Variants in MLF1 observed in about 807,000 individuals in gnomAD.
MLF1 encodes the protein myelodysplasia-myeloid leukemia factor 1.
Under a neutral mutation model 38.3 loss-of-function variants are expected in MLF1, and 37 were observed. The observed-to-expected ratio is 0.96, with a 90% CI of 0.74 to 1.27. The LOEUF (loss-of-function observed/expected upper bound fraction) is 1.27, where lower values mean the gene tolerates loss of function less well. Ranked by LOEUF, MLF1 falls within the 50% of genes most tolerant of loss-of-function variation. MLF1 has a pLI of 0.00. For missense variants in MLF1, 331 were observed against 349.2 expected, an observed-to-expected ratio of 0.95 and a Z score of 0.42; for synonymous variants, 95 against 106.5, an observed-to-expected ratio of 0.89 and a Z score of 0.66.
intron 1 of MLF1, 169 bp downstream of exon 1, chr3:158,571,516 G>A: frequency 1.3e-5 from 10 of 744,444 alleles, no homozygotes; most frequent in Non-Finnish European, 2.3e-5. Flanking sequence ...AGAGAGAGGA[G>A]GATTTAGGGG....
At chr3:158,601,163 G>A (rs1017689401) in intron 6 of MLF1, among the ~76,000 whole-genome samples, 3 of 152,176 alleles carry the variant, frequency 2.0e-5, no homozygotes, top group Admixed American at 1.3e-4. Flanking sequence ...GGCCGGGCAC[G>A]GTGGCTCATG....
At position 158,605,360 on chromosome 3, in the gene MLF1, T is replaced by C. The variant is rs1304433784; in HGVS notation, c.*158T>C. 2 of 467,714 alleles carry C rather than the reference T, an allele frequency of 4.3e-6. No individual in the cohort carries two copies. Among genetic ancestry groups the C allele is most frequent in the African/African-American group, 2.0e-5 (1 of 51,040 alleles). The allele number at this position is 467,714 out of a possible 1,614,324, so 29.0% of individuals were successfully genotyped here. ...GTTCATGAAGGTCCTAGCTTTATAT[T>C]GTCCCTCTTTTAGGAATAAAATTTT... is the stretch of plus-strand genomic sequence containing the variant. On this transcript the variant is annotated 3_prime_UTR_variant, in exon 8 of 8. Coordinates refer to ENST00000466246, the MANE Select transcript of MLF1 (RefSeq NM_001369783.1).
At chr3:158,573,720 T>A (rs1714934010) in intron 1 of MLF1, among the ~76,000 whole-genome samples, 1 of 152,198 alleles carries the variant, frequency 6.6e-6, no homozygotes, top group Non-Finnish European at 1.5e-5. Flanking sequence ...GGTTTGCAAT[T>A]TGGAGAGCAT....
At chr3:158,590,972 A>G (rs1346766978) in intron 1 of MLF1, among the ~76,000 whole-genome samples, 1 of 152,194 alleles carries the variant, frequency 6.6e-6, no homozygotes, top group Non-Finnish European at 1.5e-5. Flanking sequence ...TGGAACAATT[A>G]TGCTTTTTTT....
chr3:158,592,686 T>C, intron 2 of MLF1, 105 bp downstream of exon 2: 1 of 974,352 alleles, frequency 1.0e-6, no homozygotes, highest in South Asian at 2.1e-5. Flanking sequence ...ACTAATATTC[T>C]TGTTCTAGAA....
At chr3:158,598,246 T>C in intron 5 of MLF1, 38 bp downstream of exon 5, 1 of 1,598,298 alleles carries the variant, frequency 6.3e-7, no homozygotes, top group Non-Finnish European at 8.5e-7. Flanking sequence ...TTTTATAAAG[T>C]TAGGGGATGA....
rs762313289 is a variant in MLF1 at position 158,571,342 on chromosome 3, C to G, written c.42C>G (p.Phe14Leu). 1.2e-6 allele frequency: 2 copies of G among 1,613,226 alleles called. No homozygotes were observed. Among genetic ancestry groups the G allele is most frequent in the Non-Finnish European group, 1.7e-6 (2 of 1,179,938 alleles). Reference sequence around the variant, plus strand: ...ACAGCAGTTTTGAGGATGACCCCTTCTTCTCGTGAGTTACGGGAGCCAGGA... The same window carrying G: ...ACAGCAGTTTTGAGGATGACCCCTTGTTCTCGTGAGTTACGGGAGCCAGGA... ...MLNSSFEDDP[F>L]FSESILAHRE... The change falls in exon 1 of 8, where the codon TTC (phenylalanine) becomes TTG (leucine). Residue 14 changes from phenylalanine (F) to leucine (L), a missense_variant. Coordinates refer to ENST00000466246, the MANE Select transcript of MLF1 (RefSeq NM_001369783.1).
chr3:158,572,563 C>G (rs17629360), intron 1 of MLF1, among the ~76,000 whole-genome samples: 2 of 84,396 alleles, frequency 2.4e-5, no homozygotes, highest in African/African-American at 5.9e-5. Flanking sequence ...GTGGGAAGGG[C>G]TTGAGAGCAT....
rs201849778 is a variant in MLF1 at position 158,602,947 on chromosome 3, T to C, written c.746+8T>C. 3 of 1,605,210 alleles carry C rather than the reference T, an allele frequency of 1.9e-6. No individual in the cohort carries two copies. In the East Asian group the frequency reaches 6.7e-5, roughly 36 times the overall value. ...CCGAGAACTTAAAAGAAGGTAAAAGTTGTTTCTAAAATAGTTTGGTTTTTT... is the reference window on the plus strand; with the variant it reads ...CCGAGAACTTAAAAGAAGGTAAAAGCTGTTTCTAAAATAGTTTGGTTTTTT... On this transcript the variant is annotated splice_region_variant and intron_variant, in intron 7 of 7. Transcript: ENST00000466246.
intron 1 of MLF1, among the ~76,000 whole-genome samples, chr3:158,584,091 CTA>C (rs1381785081): frequency 6.6e-6 from 1 of 152,154 alleles, no homozygotes; most frequent in African/African-American, 2.4e-5. Context: ...TGTAGAGTGA[CTA>C]AAACTGTTCG....
intron 7 of MLF1, 80 bp downstream of exon 7, chr3:158,603,019 A>G: frequency 1.5e-6 from 2 of 1,300,448 alleles, no homozygotes; most frequent in Non-Finnish European, 2.1e-6. Flanking sequence ...TGTTATCAGA[A>G]AGTTTTGATG....
At chr3:158,590,379 A>G (rs1041256128) in intron 1 of MLF1, among the ~76,000 whole-genome samples, 4 of 151,008 alleles carry the variant, frequency 2.6e-5, no homozygotes, top group African/African-American at 9.9e-5. Context: ...CAGTTTTCAT[A>G]AAATTTACAT....
At chr3:158,585,056 G>A (rs28402669) in intron 1 of MLF1, among the ~76,000 whole-genome samples, 4,266 of 132,804 alleles carry the variant, frequency 0.032, 150 homozygotes, top group Middle Eastern at 0.048. Flanking sequence ...AAAAAAAAAA[G>A]AAAAAGAAAA....
intron 1 of MLF1, among the ~76,000 whole-genome samples, chr3:158,584,136 A>G (rs1716842951): frequency 6.6e-6 from 1 of 152,196 alleles, no homozygotes; most frequent in Non-Finnish European, 1.5e-5. Flanking sequence ...CCTAACAACC[A>G]AAGACAGAGT....
At chr3:158,573,363 T>TGGGGC (rs1714844418) in intron 1 of MLF1, 1 of 22,934 alleles carries the variant, frequency 4.4e-5, no homozygotes, top group Non-Finnish European at 8.4e-5. Context: ...GGGAAGCTGA[T>TGGGGC]GGGGCGGGGC....
chr3:158,571,228 T>C lies in MLF1; in HGVS notation c.-73T>C, dbSNP rs979905404. The C allele has an allele frequency of 1.1e-5, 14 of 1,283,294 alleles. No homozygotes were observed. Among genetic ancestry groups the C allele is most frequent in the African/African-American group, 2.9e-5 (2 of 68,460 alleles). The allele number at this position is 1,283,294 out of a possible 1,614,324, so 79.5% of individuals were successfully genotyped here. A position where few individuals can be genotyped will look rare whatever the true frequency, so the allele number is the denominator to read the frequency against. On this transcript the variant is annotated 5_prime_UTR_variant, in exon 1 of 8. Transcript: ENST00000466246. Reference sequence around the variant, plus strand: ...GTCGTCCGTACTGGAGGCTAGCTCTTGTCGCGGCCGCGGCGAGTTAACATC... The same window carrying C: ...GTCGTCCGTACTGGAGGCTAGCTCTCGTCGCGGCCGCGGCGAGTTAACATC...
rs765550387 is a variant in MLF1 at position 158,598,192 on chromosome 3, G to A, written c.437G>A (p.Arg146His). The A allele has an allele frequency of 9.3e-6, 15 of 1,613,500 alleles. No homozygotes were observed. The highest frequency in any genetic ancestry group is 4.5e-5 in the East Asian group (2 of 44,850). Residue 146 changes from arginine (R) to histidine (H), a missense_variant, in exon 5 of 8, where the codon CGT becomes CAT. Coordinates refer to ENST00000466246, the MANE Select transcript of MLF1 (RefSeq NM_001369783.1). ...PKVFQASTQT[R>H]RAPGGIKETR... ...GTTTTTCAGGCCTCAACTCAAACTC[G>A]TCGAGCTCCAGGAGGAGTAAGTTTT... is the stretch of plus-strand genomic sequence containing the variant.
At chr3:158,577,906 A>G (rs1272219402) in intron 1 of MLF1, among the ~76,000 whole-genome samples, 1 of 152,204 alleles carries the variant, frequency 6.6e-6, no homozygotes, top group Non-Finnish European at 1.5e-5. Context: ...TTTGATATCA[A>G]AGGCTTTTGC....
intron 1 of MLF1, among the ~76,000 whole-genome samples, chr3:158,583,385 T>C (rs1259504503): frequency 1.3e-5 from 2 of 152,084 alleles, no homozygotes; most frequent in Non-Finnish European, 2.9e-5. Flanking sequence ...GATCTCAGAC[T>C]TCCAGCCTCC....
Sources: gnomAD v4.1 joint callset for allele counts (sites outside exome capture counted in the v4.1 genomes callset) on GRCh38, gnomAD v4.1.1 for gene constraint, MANE v1.5 for transcripts, NCBI Gene and HGNC (gene_info 2026-07-23, HGNC 2026-07-21) for gene names.